ASTN1: variants seen among roughly 807,000 people sequenced by gnomAD.
The protein encoded by ASTN1 is astrotactin 1.
Under a neutral mutation model 140.7 loss-of-function variants are expected in ASTN1, and 41 were observed. That is an observed-to-expected ratio of 0.29 (90% CI 0.23 to 0.38). The LOEUF is 0.38. Among genes scored for constraint, ASTN1 ranks in the 10% least tolerant of loss-of-function variants. The pLI is 1.00. For synonymous variants in ASTN1, 640 were observed against 652.2 expected (o/e 0.98, Z 0.29); for missense variants, 1,479 against 1,678.8 (o/e 0.88, Z 2.08).
chr1:176,877,148 T>C (rs951352052), intron 20 of ASTN1, among the ~76,000 whole-genome samples: 1 of 152,216 alleles, frequency 6.6e-6, no homozygotes, highest in Non-Finnish European at 1.5e-5. Context: ...AGTGAATGCC[T>C]GTGAAATGGA....
intron 1 of ASTN1, among the ~76,000 whole-genome samples, chr1:177,075,621 CTTTCTTTTCT>C (rs1186697253): frequency 5.7e-5 from 8 of 139,530 alleles, no homozygotes; most frequent in Non-Finnish European, 1.3e-4. Flanking sequence ...TTCTTTCTTT[CTTTCTTTTCT>C]TTTCTTTTCT....
At chr1:176,911,384 A>C (rs1300041365) in intron 16 of ASTN1, among the ~76,000 whole-genome samples, 3 of 152,198 alleles carry the variant, frequency 2.0e-5, no homozygotes, top group Non-Finnish European at 4.4e-5. Context: ...TTAGCTTACT[A>C]TAAGTTTTTT....
intron 11 of ASTN1, among the ~76,000 whole-genome samples, chr1:176,950,686 G>A (rs4652210): frequency 6.6e-6 from 1 of 151,764 alleles, no homozygotes; most frequent in Non-Finnish European, 1.5e-5. Context: ...TAGGCTGGAA[G>A]CAGGTAAATA....
At chr1:176,882,154 C>A (rs1055520276) in intron 20 of ASTN1, among the ~76,000 whole-genome samples, 1 of 152,244 alleles carries the variant, frequency 6.6e-6, no homozygotes, top group African/African-American at 2.4e-5. Flanking sequence ...AGAATAGGGT[C>A]ATTCCAATGG....
At chr1:177,164,254 G>A in intron 1 of ASTN1, 140 bp downstream of exon 1, 1 of 957,586 alleles carries the variant, frequency 1.0e-6, no homozygotes, top group Non-Finnish European at 1.5e-6. Context: ...GTGGAGAATG[G>A]TCCGGGAGTG....
downstream of ASTN1, chr1:176,857,585 G>A: frequency 1.7e-6 from 1 of 590,212 alleles, no homozygotes; most frequent in East Asian, 3.2e-5. Context: ...AAATACCCTG[G>A]CTGCCGTCTT....
At chr1:176,887,331 T>C (rs1352792986) in intron 18 of ASTN1, among the ~76,000 whole-genome samples, 2 of 152,196 alleles carry the variant, frequency 1.3e-5, no homozygotes, top group Admixed American at 1.3e-4. Context: ...TCCTCAAACC[T>C]GCCTATCCTT....
At chr1:177,018,682 G>A (rs1206348539) in intron 7 of ASTN1, among the ~76,000 whole-genome samples, 1 of 152,170 alleles carries the variant, frequency 6.6e-6, no homozygotes, top group African/African-American at 2.4e-5. Context: ...AAGCAGGTGT[G>A]TGAAGCCAAC....
At chr1:177,125,252 C>G (rs1212413512) in intron 1 of ASTN1, among the ~76,000 whole-genome samples, 1 of 152,098 alleles carries the variant, frequency 6.6e-6, no homozygotes, top group Non-Finnish European at 1.5e-5. Flanking sequence ...ATTGGATAAA[C>G]AGAGAGAGAA....
At chr1:176,979,095 T>C (rs951924308) in intron 8 of ASTN1, among the ~76,000 whole-genome samples, 7 of 152,168 alleles carry the variant, frequency 4.6e-5, no homozygotes, top group Non-Finnish European at 1.0e-4. Context: ...GAAACAGTCC[T>C]GGAGCATGTA....
At chr1:177,065,935 G>A (rs1678330060) in intron 1 of ASTN1, among the ~76,000 whole-genome samples, 1 of 152,200 alleles carries the variant, frequency 6.6e-6, no homozygotes, top group Non-Finnish European at 1.5e-5. Context: ...AGTGAGTTGA[G>A]GTGGAGGAGG....
In ASTN1 at chr1:176,894,673, G is replaced by A; in HGVS notation, c.2829C>T (p.Cys943=). 4 of 1,614,106 alleles carry A rather than the reference G, an allele frequency of 2.5e-6. No individual in the cohort carries two copies. The highest frequency in any genetic ancestry group is 3.4e-6 in the Non-Finnish European group (4 of 1,180,026). ...CHSKGRCPSS[C]PLCHVTSSPD... ...GGCTGGATGTCACATGACACAGGGGGCAGGACGAGGGGCATCGTCCCTTGC... is the reference window on the plus strand; with the variant it reads ...GGCTGGATGTCACATGACACAGGGGACAGGACGAGGGGCATCGTCCCTTGC... The change falls in exon 17 of 23, where the codon TGC becomes TGT. Residue 943 remains cysteine, a synonymous_variant. Coordinates refer to ENST00000361833, the MANE Select transcript of ASTN1 (RefSeq NM_004319.3).
At chr1:176,907,010 T>C (rs982415910) in intron 16 of ASTN1, among the ~76,000 whole-genome samples, 1 of 152,190 alleles carries the variant, frequency 6.6e-6, no homozygotes, top group Non-Finnish European at 1.5e-5. Flanking sequence ...AGTATTCATG[T>C]AGAAGCATTC....
In ASTN1 at chr1:176,862,596, C is replaced by G; in HGVS notation, c.*1688G>C. ...ATCCCAGAGTAGCTAAGATCCTGTG[C>G]CCTGGAGACCAACAGCCTGAAATCA... On this transcript the variant is annotated 3_prime_UTR_variant, in exon 23 of 23. Coordinates refer to ENST00000361833, the MANE Select transcript of ASTN1 (RefSeq NM_004319.3). The G allele has an allele frequency of 2.0e-6, 2 of 983,456 alleles. No homozygotes were observed. The highest frequency in any genetic ancestry group is 2.4e-6 in the Non-Finnish European group (2 of 828,210). The allele number at this position is 983,456 out of a possible 1,614,324, so 60.9% of individuals were successfully genotyped here.
At chr1:177,143,722 A>G (rs1682574571) in intron 1 of ASTN1, among the ~76,000 whole-genome samples, 1 of 152,194 alleles carries the variant, frequency 6.6e-6, no homozygotes, top group African/African-American at 2.4e-5. Flanking sequence ...AAACGAATGA[A>G]ATCATAGGTT....
intron 16 of ASTN1, among the ~76,000 whole-genome samples, chr1:176,903,636 ACTC>A (rs1283986310): frequency 3.3e-5 from 5 of 151,924 alleles, no homozygotes; most frequent in South Asian, 2.1e-4. Flanking sequence ...TGCCTCCTAC[ACTC>A]CTCCTTTTTG....
At chr1:176,958,515 C>A in intron 9 of ASTN1, 33 bp from the exon 10 acceptor site, 3 of 1,584,914 alleles carry the variant, frequency 1.9e-6, no homozygotes, top group African/African-American at 1.3e-5. Context: ...GTGGTCATGA[C>A]TGGGGGCATA....
intron 2 of ASTN1, among the ~76,000 whole-genome samples, chr1:177,046,353 A>G (rs775454186): frequency 1.3e-5 from 2 of 152,224 alleles, no homozygotes; most frequent in South Asian, 4.1e-4. Context: ...TCAGCACTTT[A>G]CCTATTATTA....
At chr1:176,912,430 T>C (rs1012044018) in intron 16 of ASTN1, among the ~76,000 whole-genome samples, 7 of 152,188 alleles carry the variant, frequency 4.6e-5, no homozygotes, top group Non-Finnish European at 1.0e-4. Context: ...TATCTTTCAA[T>C]CATTTAAAAA....
Sources: gnomAD v4.1 joint callset for allele counts (sites outside exome capture counted in the v4.1 genomes callset) on GRCh38, gnomAD v4.1.1 for gene constraint, MANE v1.5 for transcripts, NCBI Gene and HGNC (gene_info 2026-07-23, HGNC 2026-07-21) for gene names.